Variants in TSPAN12 observed in about 807,000 individuals in gnomAD.
The protein encoded by TSPAN12 is tetraspanin-12.
A neutral mutation model predicts 39.2 loss-of-function variants in TSPAN12; 19 were observed. That is an observed-to-expected ratio of 0.49 (90% CI 0.34 to 0.71). The LOEUF (loss-of-function observed/expected upper bound fraction) is 0.71. Ranked by LOEUF, TSPAN12 falls within the 30% of genes least tolerant of loss-of-function variation. TSPAN12 has a pLI of 0.01. For synonymous variants in TSPAN12, 119 were observed against 124.8 expected, an observed-to-expected ratio of 0.95 and a Z score of 0.31; for missense variants, 314 against 359.9, an observed-to-expected ratio of 0.87 and a Z score of 1.03.
chr7:120,822,959 G>A (rs184377315), intron 4 of TSPAN12, among the ~76,000 whole-genome samples: 29 of 152,248 alleles, frequency 1.9e-4, no homozygotes, highest in African/African-American at 7.0e-4. Context: ...GCAAACGAGT[G>A]TCTTCAAAAT....
intron 5 of TSPAN12, chr7:120,814,271 T>C (rs1267472343): frequency 8.8e-6 from 4 of 456,636 alleles, no homozygotes; most frequent in African/African-American, 4.0e-5. Context: ...AATATAATCT[T>C]TCTCTCTTCT....
chr7:120,839,968 G>A, intron 3 of TSPAN12, 59 bp downstream of exon 3: 10 of 1,420,424 alleles, frequency 7.0e-6, no homozygotes, highest in Non-Finnish European at 1.0e-5. Context: ...ATAAATAGCT[G>A]AGGGCAAAGT....
intron 1 of TSPAN12, chr7:120,857,070 A>C: frequency 2.1e-6 from 1 of 471,006 alleles, no homozygotes; most frequent in South Asian, 2.1e-5. Context: ...AACTATCCGG[A>C]TGAATGAAGT....
intron 7 of TSPAN12, among the ~76,000 whole-genome samples, chr7:120,793,940 T>TA (rs1374780188): frequency 1.3e-5 from 2 of 152,238 alleles, no homozygotes; most frequent in African/African-American, 4.8e-5. Context: ...CCTTTGAGGT[T>TA]AGAATGTTTG....
At chr7:120,816,359 C>CAAA (rs1794082595) in intron 4 of TSPAN12, among the ~76,000 whole-genome samples, 1 of 96,648 alleles carries the variant, frequency 1.0e-5, no homozygotes. Flanking sequence ...ATAAGGCATG[C>CAAA]GCAGGCAAAA....
At chr7:120,854,577 G>A (rs1324897818) in intron 2 of TSPAN12, among the ~76,000 whole-genome samples, 1 of 152,154 alleles carries the variant, frequency 6.6e-6, no homozygotes, top group Non-Finnish European at 1.5e-5. Context: ...AGTAAGAAGC[G>A]TTAGCTATTT....
intron 2 of TSPAN12, among the ~76,000 whole-genome samples, chr7:120,855,534 G>T (rs1794854805): frequency 6.6e-6 from 1 of 152,170 alleles, no homozygotes; most frequent in Non-Finnish European, 1.5e-5. Flanking sequence ...CTTTTAAGAA[G>T]TATAAACTAC....
chr7:120,817,325 G>T (rs553926200), intron 4 of TSPAN12, among the ~76,000 whole-genome samples: 1 of 152,094 alleles, frequency 6.6e-6, no homozygotes, highest in African/African-American at 2.4e-5. Context: ...GGAGATTGAG[G>T]CTGTAGTGAG....
intron 4 of TSPAN12, among the ~76,000 whole-genome samples, chr7:120,838,102 T>TA (rs1433594978): frequency 6.6e-6 from 1 of 152,258 alleles, no homozygotes; most frequent in East Asian, 1.9e-4. Context: ...GTAATCTCAT[T>TA]ACCTGGTGCC....
chr7:120,810,624 TCACACACACACACACACACA>T, intron 5 of TSPAN12, 54 bp from the exon 6 acceptor site: 1 of 715,722 alleles, frequency 1.4e-6, no homozygotes, highest in Non-Finnish European at 2.6e-6. Flanking sequence ...AGACACAGAT[TCACACACACACACACACACA>T]CACACACACA....
At position 120,856,282 on chromosome 7, in the gene TSPAN12, A is replaced by C. The variant is rs567924179; in HGVS notation, c.66+416T>G. 1.1e-3 allele frequency among the ~76,000 whole-genome samples: 175 copies of C among 152,316 alleles called. 1 individual carries two copies. Among genetic ancestry groups the C allele is most frequent in the Non-Finnish European group, 1.9e-3 (130 of 68,032 alleles). On this transcript the variant is annotated intron_variant, in intron 2 of 7. Coordinates refer to ENST00000222747, the MANE Select transcript of TSPAN12 (RefSeq NM_012338.4). ...TCCCCCTCGTCCCCGCCCACAAAAA[A>C]TATATTAAGACTTGGCCCAACTAGA...
chr7:120,857,577 G>A (rs573200954), intron 1 of TSPAN12, among the ~76,000 whole-genome samples: 11 of 152,066 alleles, frequency 7.2e-5, no homozygotes, highest in Non-Finnish European at 1.5e-4. Context: ...TTCAAACCCC[G>A]CTTCCCCCGC....
chr7:120,794,084 CCTTTAA>C (rs1441556912), intron 7 of TSPAN12, among the ~76,000 whole-genome samples: 2 of 152,122 alleles, frequency 1.3e-5, no homozygotes, highest in African/African-American at 4.8e-5. Context: ...CTTACTCTTT[CCTTTAA>C]CTTTGACTTT....
intron 4 of TSPAN12, among the ~76,000 whole-genome samples, chr7:120,834,783 T>G (rs957964578): frequency 6.6e-6 from 1 of 152,140 alleles, no homozygotes; most frequent in African/African-American, 2.4e-5. Flanking sequence ...AGTAAGAAAC[T>G]TCCTTAAAAA....
At chr7:120,850,498 C>T (rs1159517459) in intron 2 of TSPAN12, among the ~76,000 whole-genome samples, 1 of 152,178 alleles carries the variant, frequency 6.6e-6, no homozygotes, top group East Asian at 1.9e-4. Flanking sequence ...TGTCCCAGCT[C>T]AGGATTATTC....
At position 120,840,802 on chromosome 7, in the gene TSPAN12, A is replaced by G. The variant is rs1794562831; in HGVS notation, c.67-693T>C. Among the ~76,000 whole-genome samples, 3 of 152,244 alleles carry G rather than the reference A, an allele frequency of 2.0e-5. No individual in the cohort carries two copies. The South Asian group carries it at 6.2e-4, about 31-fold the overall frequency. ...AACAAAGGACTTGATTAAACTTTTT[A>G]TGGAAGAATTTCTGTAATATTTGCA... On this transcript the variant is annotated intron_variant, in intron 2 of 7. Coordinates refer to ENST00000222747, the MANE Select transcript of TSPAN12 (RefSeq NM_012338.4).
chr7:120,840,497 A>G (rs1365904557), intron 2 of TSPAN12, among the ~76,000 whole-genome samples: 1 of 3,260 alleles, frequency 3.1e-4, no homozygotes, highest in Non-Finnish European at 3.8e-4. Context: ...TTGTCAAAAA[A>G]AGTCACAAGT....
chr7:120,810,844 G>A (rs931657560), intron 5 of TSPAN12, among the ~76,000 whole-genome samples: 1 of 152,074 alleles, frequency 6.6e-6, no homozygotes, highest in Non-Finnish European at 1.5e-5. Context: ...TAATGCTCAA[G>A]GAAATCACCA....
At chr7:120,789,893 T>C (rs1189222436) in intron 7 of TSPAN12, among the ~76,000 whole-genome samples, 1 of 152,056 alleles carries the variant, frequency 6.6e-6, no homozygotes, top group Non-Finnish European at 1.5e-5. Flanking sequence ...TCTTTGTGTA[T>C]ACAGTAAAGA....
Sources: allele counts gnomAD v4.1 joint callset (sites outside exome capture counted in the v4.1 genomes callset), GRCh38; gene constraint gnomAD v4.1.1; transcripts MANE v1.5; gene names NCBI Gene and HGNC (gene_info 2026-07-23, HGNC 2026-07-21).